Variants in ELMO1 observed in about 807,000 individuals in gnomAD.
ELMO1 encodes engulfment and cell motility 1.
A neutral mutation model predicts 98.9 loss-of-function variants in ELMO1; 26 were observed. That is an observed-to-expected ratio of 0.26 (90% CI 0.19 to 0.36). The LOEUF (loss-of-function observed/expected upper bound fraction) is 0.36, where lower values mean the gene tolerates loss of function less well. Ranked by LOEUF, ELMO1 falls within the 10% of genes least tolerant of loss-of-function variation. The probability of loss-of-function intolerance (pLI) is 1.00; values close to 1 mark genes in which losing one functional copy is unlikely to be tolerated. For synonymous variants in ELMO1, 346 were observed against 346.0 expected (o/e 1.00, Z 0.00); for missense variants, 627 against 935.2 (o/e 0.67, Z 4.30).
intron 15 of ELMO1, among the ~76,000 whole-genome samples, chr7:37,093,246 AAT>A (rs1469450673): frequency 6.6e-6 from 1 of 152,196 alleles, no homozygotes; most frequent in Non-Finnish European, 1.5e-5. Flanking sequence ...ATTGAACATT[AAT>A]ATGTTTGCTT....
chr7:37,063,082 T>A (rs35297123), intron 15 of ELMO1, among the ~76,000 whole-genome samples: 12,744 of 152,254 alleles, frequency 0.084, 771 homozygotes, highest in African/African-American at 0.17. Flanking sequence ...ACCTGTGGTG[T>A]ACCTTACTAC....
At chr7:37,223,784 G>A (rs1793722875) in intron 9 of ELMO1, among the ~76,000 whole-genome samples, 1 of 152,180 alleles carries the variant, frequency 6.6e-6, no homozygotes, top group Admixed American at 6.5e-5. Flanking sequence ...CAGCTTCTGT[G>A]ACTTAAATTT....
intron 13 of ELMO1, among the ~76,000 whole-genome samples, chr7:37,162,439 T>A (rs193288601): frequency 6.6e-6 from 1 of 152,284 alleles, no homozygotes; most frequent in Non-Finnish European, 1.5e-5. Context: ...CACATCCGAG[T>A]CACTTGATGA....
chr7:36,910,796 T>C (rs1784293316), intron 16 of ELMO1, among the ~76,000 whole-genome samples: 2 of 152,200 alleles, frequency 1.3e-5, no homozygotes, highest in African/African-American at 2.4e-5. Context: ...AATGAAGCTA[T>C]ACAGTCAAAG....
At chr7:36,971,378 C>G (rs1789936509) in intron 16 of ELMO1, among the ~76,000 whole-genome samples, 1 of 152,172 alleles carries the variant, frequency 6.6e-6, no homozygotes, top group Non-Finnish European at 1.5e-5. Flanking sequence ...AAACAACCAT[C>G]CCAAAGGATA....
intron 4 of ELMO1, among the ~76,000 whole-genome samples, chr7:37,292,671 G>A (rs1797771471): frequency 9.3e-6 from 1 of 107,290 alleles, no homozygotes; most frequent in Non-Finnish European, 2.2e-5. Context: ...CCTCCGCCCA[G>A]CAGCCACCCC....
At chr7:37,445,374 CA>C in intron 1 of ELMO1, among the ~76,000 whole-genome samples, 1 of 152,322 alleles carries the variant, frequency 6.6e-6, no homozygotes, top group Non-Finnish European at 1.5e-5. Context: ...AAAGTGGTTA[CA>C]AGCTTGAGTT....
intron 15 of ELMO1, among the ~76,000 whole-genome samples, chr7:37,031,826 T>C (rs750226735): frequency 1.1e-4 from 17 of 152,190 alleles, no homozygotes; most frequent in South Asian, 6.2e-4. Flanking sequence ...TCTCCTCACA[T>C]TGAAATATTG....
At chr7:37,270,385 C>T (rs897540592) in intron 5 of ELMO1, 1 of 152,190 alleles carries the variant, frequency 6.6e-6, no homozygotes, top group Non-Finnish European at 1.5e-5. Flanking sequence ...CTAAGCCACA[C>T]TAATGTAATT....
intron 1 of ELMO1, among the ~76,000 whole-genome samples, chr7:37,399,532 A>G (rs918958326): frequency 6.6e-6 from 1 of 152,184 alleles, no homozygotes; most frequent in African/African-American, 2.4e-5. Context: ...GCACTTGCCC[A>G]CTAGCTGCTG....
rs376450300 is a variant in ELMO1 at position 37,036,675 on chromosome 7, G to A, written c.1301-23240C>T. On this transcript the variant is annotated intron_variant, in intron 15 of 21. Transcript: ENST00000310758. ...ATTACAGGCATGAGCCACCATGCCC[G>A]GCCTAGGATTGTTATAGGAGGTTAC... Among the ~76,000 whole-genome samples, 15 of 152,196 alleles carry A rather than the reference G, an allele frequency of 9.9e-5. No homozygotes were observed. The East Asian group carries it at 2.3e-3, about 24-fold the overall frequency.
chr7:37,131,082 T>C (rs1786889600), intron 14 of ELMO1, among the ~76,000 whole-genome samples: 2 of 152,092 alleles, frequency 1.3e-5, no homozygotes, highest in South Asian at 4.1e-4. Flanking sequence ...GAGATATCTA[T>C]TGTCAAAGTC....
chr7:37,132,224 A>G (rs1184456809), intron 14 of ELMO1, among the ~76,000 whole-genome samples: 1 of 152,178 alleles, frequency 6.6e-6, no homozygotes, highest in African/African-American at 2.4e-5. Flanking sequence ...AGAGAATCCA[A>G]CAGAGAATAT....
intron 1 of ELMO1, among the ~76,000 whole-genome samples, chr7:37,352,656 A>G (rs1382210867): frequency 6.6e-6 from 1 of 152,218 alleles, no homozygotes; most frequent in Non-Finnish European, 1.5e-5. Flanking sequence ...AGTGGCAGAG[A>G]AAACTTTCCG....
intron 1 of ELMO1, among the ~76,000 whole-genome samples, chr7:37,378,299 T>C (rs570361347): frequency 1.4e-4 from 22 of 152,242 alleles, no homozygotes; most frequent in Admixed American, 1.4e-3. Context: ...TACAAGAATC[T>C]AGACCAGATA....
At chr7:37,002,234 T>G (rs1007318977) in intron 16 of ELMO1, 1 of 152,372 alleles carries the variant, frequency 6.6e-6, no homozygotes, top group South Asian at 2.1e-4. Context: ...CTCAATCACT[T>G]GAGCAACAGT....
intron 16 of ELMO1, among the ~76,000 whole-genome samples, chr7:36,916,555 C>T (rs145094868): frequency 8.9e-4 from 136 of 152,336 alleles, no homozygotes; most frequent in Admixed American, 1.7e-3. Context: ...TTTTTTAAGA[C>T]AGTGCTTCCA....
At chr7:37,016,182 G>A (rs1793918783) in intron 15 of ELMO1, among the ~76,000 whole-genome samples, 1 of 152,060 alleles carries the variant, frequency 6.6e-6, no homozygotes, top group Admixed American at 6.6e-5. Flanking sequence ...GATGAGTGGA[G>A]CTAAGAAAGC....
chr7:37,334,621 G>A lies in ELMO1; in HGVS notation c.78+7992C>T, dbSNP rs538779311. Among the ~76,000 whole-genome samples the A allele has an allele frequency of 5.3e-5, 8 of 152,252 alleles. No individual in the cohort carries two copies. The East Asian group carries it at 7.7e-4, about 15-fold the overall frequency. On this transcript the variant is annotated intron_variant, in intron 2 of 21. Coordinates refer to ENST00000310758, the MANE Select transcript of ELMO1 (RefSeq NM_014800.11). Reference sequence around the variant, plus strand: ...CTGTAGTAAGGTGATGAAATCCCACGTGCAAGGCCTTCTATTGCCTGCCAC... The same window carrying A: ...CTGTAGTAAGGTGATGAAATCCCACATGCAAGGCCTTCTATTGCCTGCCAC...
Sources: allele counts gnomAD v4.1 joint callset (sites outside exome capture counted in the v4.1 genomes callset), GRCh38; gene constraint gnomAD v4.1.1; transcripts MANE v1.5; gene names NCBI Gene and HGNC (gene_info 2026-07-23, HGNC 2026-07-21).